ESRRG: variants seen among roughly 807,000 people sequenced by gnomAD.
ESRRG encodes estrogen-related receptor gamma.
In ESRRG, 13 loss-of-function variants were observed where a neutral mutation model predicts 44.0. The ratio of observed to expected loss-of-function variants is 0.30; its 90% CI spans 0.19 to 0.47. The LOEUF (loss-of-function observed/expected upper bound fraction) is 0.47. Among genes scored for constraint, ESRRG ranks in the 20% least tolerant of loss-of-function variants. The probability of loss-of-function intolerance (pLI) is 1.00; values close to 1 mark genes in which losing one functional copy is unlikely to be tolerated. For synonymous variants in ESRRG, 215 were observed against 214.6 expected, an observed-to-expected ratio of 1.00 and a Z score of -0.02; for missense variants, 395 against 580.6, an observed-to-expected ratio of 0.68 and a Z score of 3.29.
chr1:217,114,016 G>T (rs2092690635), intron 1 of ESRRG, among the ~76,000 whole-genome samples: 1 of 151,896 alleles, frequency 6.6e-6, no homozygotes, highest in South Asian at 2.1e-4. Flanking sequence ...AAAAAAAAAG[G>T]AAATTGGACT....
chr1:216,868,333 C>G (rs532439251), intron 2 of ESRRG, among the ~76,000 whole-genome samples: 7 of 152,120 alleles, frequency 4.6e-5, no homozygotes, highest in Admixed American at 4.6e-4. Flanking sequence ...GTTGAGCCAC[C>G]CACCTCGGCC....
intron 6 of ESRRG, among the ~76,000 whole-genome samples, chr1:216,508,487 A>G (rs947264832): frequency 4.6e-5 from 7 of 152,200 alleles, no homozygotes; most frequent in African/African-American, 1.7e-4. Context: ...GAGCAAAAAG[A>G]AGGAATTTTT....
intron 1 of ESRRG, among the ~76,000 whole-genome samples, chr1:217,071,872 A>G (rs866958788): frequency 4.6e-5 from 7 of 152,196 alleles, no homozygotes; most frequent in Middle Eastern, 3.2e-3. Context: ...TCGCAGATAC[A>G]TGAGCCAGAA....
chr1:217,073,813 G>A (rs2090914048), intron 1 of ESRRG, among the ~76,000 whole-genome samples: 1 of 152,000 alleles, frequency 6.6e-6, no homozygotes, highest in Admixed American at 6.6e-5. Context: ...GGAAAAAAGG[G>A]GAGAGAAGAG....
chr1:216,816,589 T>G (rs1468955387), intron 2 of ESRRG, among the ~76,000 whole-genome samples: 1 of 152,176 alleles, frequency 6.6e-6, no homozygotes, highest in Admixed American at 6.5e-5. Context: ...ATATCTGGAA[T>G]AGAGTTGCAA....
intron 1 of ESRRG, among the ~76,000 whole-genome samples, chr1:216,692,912 T>G (rs555347557): frequency 6.6e-6 from 1 of 152,202 alleles, no homozygotes; most frequent in Non-Finnish European, 1.5e-5. Flanking sequence ...ATGATCTAGG[T>G]TGGTGTAAAT....
At chr1:216,635,542 A>G (rs2065122710) in intron 3 of ESRRG, among the ~76,000 whole-genome samples, 1 of 152,192 alleles carries the variant, frequency 6.6e-6, no homozygotes, top group African/African-American at 2.4e-5. Flanking sequence ...GCCTTCATAA[A>G]TTACTCCTGA....
At chr1:216,562,103 G>T (rs2058861434) in intron 5 of ESRRG, among the ~76,000 whole-genome samples, 5 of 152,124 alleles carry the variant, frequency 3.3e-5, no homozygotes, top group Admixed American at 3.3e-4. Context: ...AAGTTCAAAA[G>T]AAATTGTTGA....
At chr1:217,037,369 G>A (rs1035706170) in intron 1 of ESRRG, among the ~76,000 whole-genome samples, 2 of 152,182 alleles carry the variant, frequency 1.3e-5, no homozygotes, top group African/African-American at 4.8e-5. Flanking sequence ...AATTATGGTG[G>A]AGGGCAAGGA....
chr1:216,933,231 A>AAAAAAGT (rs1234039819), intron 2 of ESRRG, among the ~76,000 whole-genome samples: 1 of 152,170 alleles, frequency 6.6e-6, no homozygotes, highest in Non-Finnish European at 1.5e-5. Flanking sequence ...TAATTATAAT[A>AAAAAAGT]AAAAAGTATT....
chr1:216,576,487 C>T (rs890978417), intron 3 of ESRRG, among the ~76,000 whole-genome samples: 1 of 152,008 alleles, frequency 6.6e-6, no homozygotes, highest in African/African-American at 2.4e-5. Context: ...GACTATTAAA[C>T]ATGTGAGGCT....
chr1:216,529,091 T>C (rs548897893), intron 5 of ESRRG, among the ~76,000 whole-genome samples: 1 of 152,248 alleles, frequency 6.6e-6, no homozygotes, highest in African/African-American at 2.4e-5. Context: ...CTAGTTTGTG[T>C]ATCCATTCTT....
At chr1:216,676,986 A>T in intron 2 of ESRRG, 90 bp downstream of exon 2, 2 of 889,732 alleles carry the variant, frequency 2.2e-6, no homozygotes, top group South Asian at 1.7e-5. Flanking sequence ...AAACTATGAT[A>T]CTTGACTTAT....
intron 1 of ESRRG, among the ~76,000 whole-genome samples, chr1:217,124,210 C>T (rs984076107): frequency 7.2e-5 from 11 of 152,070 alleles, no homozygotes; most frequent in East Asian, 5.8e-4. Context: ...AGACTTTGAA[C>T]GGAAGACACC....
intron 1 of ESRRG, among the ~76,000 whole-genome samples, chr1:217,045,309 C>A (rs1580009606): frequency 6.6e-6 from 1 of 152,092 alleles, no homozygotes; most frequent in East Asian, 1.9e-4. Context: ...CCCATAAGAC[C>A]AGGTCAAAGG....
At chr1:217,136,280 G>A (rs2093048344) in intron 1 of ESRRG, among the ~76,000 whole-genome samples, 2 of 152,326 alleles carry the variant, frequency 1.3e-5, no homozygotes, top group Middle Eastern at 6.8e-3. Context: ...GTTTTCCTGA[G>A]GTACTGGGAC....
chr1:216,920,651 A>T (rs1430820887), intron 2 of ESRRG, among the ~76,000 whole-genome samples: 1 of 152,140 alleles, frequency 6.6e-6, no homozygotes, highest in African/African-American at 2.4e-5. Context: ...GAGACAAATG[A>T]AATCTAAGGA....
At chr1:216,981,906 G>A (rs2074036715) in intron 1 of ESRRG, among the ~76,000 whole-genome samples, 1 of 152,190 alleles carries the variant, frequency 6.6e-6, no homozygotes, top group African/African-American at 2.4e-5. Context: ...ATGACTTAGT[G>A]TCTCCCAAGC....
chr1:216,678,068 C>T (rs2076413276), intron 1 of ESRRG, among the ~76,000 whole-genome samples: 1 of 152,222 alleles, frequency 6.6e-6, no homozygotes. Context: ...ATAAGCATAA[C>T]TGTGTCTTAT....
Sources: allele counts gnomAD v4.1 joint callset (sites outside exome capture counted in the v4.1 genomes callset), GRCh38; gene constraint gnomAD v4.1.1; transcripts MANE v1.5; gene names NCBI Gene and HGNC (gene_info 2026-07-23, HGNC 2026-07-21).